Variants in COL25A1 observed in about 807,000 individuals in gnomAD.
The protein encoded by COL25A1 is collagen alpha-1(XXV) chain.
A neutral mutation model predicts 128.4 loss-of-function variants in COL25A1; 103 were observed. The ratio of observed to expected loss-of-function variants is 0.80; its 90% confidence interval spans 0.68 to 0.94. The LOEUF is 0.94. Ranked by LOEUF, COL25A1 falls within the 40% of genes least tolerant of loss-of-function variation. The probability of loss-of-function intolerance (pLI) is 0.00; values close to 1 mark genes in which losing one functional copy is unlikely to be tolerated. For synonymous variants in COL25A1, 279 were observed against 277.2 expected (o/e 1.01, Z -0.06); for missense variants, 745 against 840.0 (o/e 0.89, Z 1.40).
At chr4:109,088,945 C>T (rs1560670545) in intron 3 of COL25A1, among the ~76,000 whole-genome samples, 1 of 152,112 alleles carries the variant, frequency 6.6e-6, no homozygotes. Flanking sequence ...AGAAATCAAC[C>T]ACGTACAGCA....
rs368706374 is a variant in COL25A1 at position 109,010,507 on chromosome 4, A to G, written c.421-132T>C. 180 of 619,526 alleles carry G rather than the reference A, an allele frequency of 2.9e-4. No individual in the cohort carries two copies. In the African/African-American group the frequency reaches 3.0e-3, roughly 10 times the overall value. The allele number at this position is 619,526 out of a possible 1,614,324, so 38.4% of individuals were successfully genotyped here. On this transcript the variant is annotated intron_variant, in intron 5 of 37. Transcript: ENST00000399132. ...AAGATAATATCCTAACTACTGACAG[A>G]TTTCACTTGTGGCTTTAAAAAATCA...
chr4:109,159,800 A>G (rs969127905), intron 3 of COL25A1, among the ~76,000 whole-genome samples: 1 of 152,184 alleles, frequency 6.6e-6, no homozygotes, highest in African/African-American at 2.4e-5. Flanking sequence ...CAGAAGAGTG[A>G]AATCCACAGA....
chr4:109,059,843 A>G (rs1761793790), intron 3 of COL25A1, among the ~76,000 whole-genome samples: 1 of 152,212 alleles, frequency 6.6e-6, no homozygotes, highest in African/African-American at 2.4e-5. Context: ...TACTTGGCAC[A>G]TAGTTAAATG....
intron 3 of COL25A1, among the ~76,000 whole-genome samples, chr4:109,194,988 G>A (rs1234250583): frequency 3.3e-5 from 5 of 151,976 alleles, no homozygotes; most frequent in East Asian, 1.9e-4. Flanking sequence ...ACAACTCAAC[G>A]GATAAGTGCT....
chr4:108,941,462 G>A (rs1243299489), intron 8 of COL25A1, 25 bp from the exon 9 acceptor site: 1 of 1,584,390 alleles, frequency 6.3e-7, no homozygotes, highest in Non-Finnish European at 8.7e-7. Flanking sequence ...GAGGTCAAAG[G>A]TTGAAGTTCA....
chr4:108,845,690 A>G (rs1331669355), intron 28 of COL25A1, among the ~76,000 whole-genome samples: 1 of 152,176 alleles, frequency 6.6e-6, no homozygotes, highest in East Asian at 1.9e-4. Flanking sequence ...TTTCTCCTCC[A>G]AATTCTCAGT....
chr4:108,941,322 C>G, intron 9 of COL25A1, 44 bp downstream of exon 9: 1 of 1,482,004 alleles, frequency 6.7e-7, no homozygotes, highest in Non-Finnish European at 9.4e-7. Context: ...AGAGCAATAA[C>G]TGATGTAAAG....
At chr4:109,267,592 A>G (rs1184070291) in intron 3 of COL25A1, among the ~76,000 whole-genome samples, 1 of 152,158 alleles carries the variant, frequency 6.6e-6, no homozygotes, top group Admixed American at 6.6e-5. Flanking sequence ...TTAGTATAGT[A>G]TATCTCCTTT....
intron 3 of COL25A1, among the ~76,000 whole-genome samples, chr4:109,197,497 T>C (rs1578414673): frequency 7.7e-6 from 1 of 129,198 alleles, no homozygotes; most frequent in East Asian, 2.1e-4. Context: ...TATATATAAA[T>C]ATATATTATA....
At chr4:109,223,581 AC>A (rs113239748) in intron 3 of COL25A1, among the ~76,000 whole-genome samples, 10 of 119,932 alleles carry the variant, frequency 8.3e-5, no homozygotes, top group African/African-American at 3.2e-4. Context: ...CATCTCCCCC[AC>A]CCCCACCTTG....
chr4:109,214,664 GA>G (rs1777849424), intron 3 of COL25A1, among the ~76,000 whole-genome samples: 1 of 151,994 alleles, frequency 6.6e-6, no homozygotes, highest in African/African-American at 2.4e-5. Context: ...GCCAAGTGGA[GA>G]AAAAAGTATC....
chr4:108,918,828 T>G (rs915699479), intron 12 of COL25A1, among the ~76,000 whole-genome samples: 3 of 152,188 alleles, frequency 2.0e-5, no homozygotes, highest in Non-Finnish European at 4.4e-5. Context: ...AAAGTTAAGG[T>G]GTGTGTGTAA....
At chr4:109,036,813 G>A (rs945767723) in intron 5 of COL25A1, among the ~76,000 whole-genome samples, 2 of 152,190 alleles carry the variant, frequency 1.3e-5, no homozygotes, top group Non-Finnish European at 2.9e-5. Flanking sequence ...CATGCCTGCA[G>A]AGAACTCTCT....
At chr4:109,136,193 T>C (rs541029588) in intron 3 of COL25A1, among the ~76,000 whole-genome samples, 1 of 151,952 alleles carries the variant, frequency 6.6e-6, no homozygotes, top group Non-Finnish European at 1.5e-5. Flanking sequence ...AGGTCAGGAG[T>C]TCGAGACCAG....
intron 19 of COL25A1, among the ~76,000 whole-genome samples, chr4:108,882,805 C>A (rs1740287061): frequency 6.6e-6 from 1 of 152,012 alleles, no homozygotes; most frequent in Admixed American, 6.5e-5. Context: ...AATCTAGAAA[C>A]ATCAAACAAA....
chr4:109,175,815 A>G (rs1348462223), intron 3 of COL25A1, among the ~76,000 whole-genome samples: 2 of 152,220 alleles, frequency 1.3e-5, no homozygotes, highest in African/African-American at 4.8e-5. Flanking sequence ...GTTGTAACTA[A>G]TAAGATTTTT....
In COL25A1 at chr4:108,951,125, A is replaced by G. The variant is rs1233338792; in HGVS notation, c.493-9688T>C. Reference sequence around the variant, plus strand: ...GGTGAGTTTGGCTGTGGTGAAGCACACACATTTTAGAGAAATGCCTGGAAA... The same window carrying G: ...GGTGAGTTTGGCTGTGGTGAAGCACGCACATTTTAGAGAAATGCCTGGAAA... On this transcript the variant is annotated intron_variant, in intron 8 of 37. Coordinates refer to ENST00000399132, the MANE Select transcript of COL25A1 (RefSeq NM_198721.4). 2.6e-5 allele frequency among the ~76,000 whole-genome samples: 4 copies of G among 152,178 alleles called. No individual in the cohort carries two copies. In the South Asian group the frequency reaches 8.3e-4, roughly 32 times the overall value.
intron 3 of COL25A1, among the ~76,000 whole-genome samples, chr4:109,261,201 T>C (rs1301480899): frequency 6.6e-6 from 1 of 152,164 alleles, no homozygotes; most frequent in African/African-American, 2.4e-5. Context: ...GTGATAATTA[T>C]GTACTTAATT....
At chr4:109,031,001 A>C (rs1758799297) in intron 5 of COL25A1, among the ~76,000 whole-genome samples, 1 of 151,820 alleles carries the variant, frequency 6.6e-6, no homozygotes, top group Non-Finnish European at 1.5e-5. Context: ...AGCCTCCCAA[A>C]GTGTTGGGAT....
Sources: gnomAD v4.1 joint callset for allele counts (sites outside exome capture counted in the v4.1 genomes callset) on GRCh38, gnomAD v4.1.1 for gene constraint, MANE v1.5 for transcripts, NCBI Gene and HGNC (gene_info 2026-07-23, HGNC 2026-07-21) for gene names.